Variants in NT5DC1 observed in about 807,000 individuals in gnomAD.
NT5DC1 encodes 5'-nucleotidase domain containing 1, also known as 5'-nucleotidase domain-containing protein 1.
A neutral mutation model predicts 59.4 loss-of-function variants in NT5DC1; 42 were observed. The ratio of observed to expected loss-of-function variants is 0.71; its 90% CI spans 0.55 to 0.92. The LOEUF (loss-of-function observed/expected upper bound fraction) is 0.92. Ranked by LOEUF, NT5DC1 falls within the 40% of genes least tolerant of loss-of-function variation. NT5DC1 has a pLI of 0.00. For synonymous variants in NT5DC1, 172 were observed against 188.1 expected (o/e 0.91, Z 0.70); for missense variants, 501 against 537.1 (o/e 0.93, Z 0.66).
chr6:116,201,260 T>G (rs1482205917), intron 6 of NT5DC1, among the ~76,000 whole-genome samples: 2 of 152,096 alleles, frequency 1.3e-5, no homozygotes, highest in Non-Finnish European at 2.9e-5. Context: ...TCTTGCCTTT[T>G]TGGCTGTAGC....
chr6:116,118,091 A>ACTTT, intron 6 of NT5DC1, 146 bp downstream of exon 6: 1 of 672,638 alleles, frequency 1.5e-6, no homozygotes, highest in Non-Finnish European at 2.7e-6. Context: ...GGTTCTGACT[A>ACTTT]CATTTTCAGA....
At chr6:116,190,854 C>T (rs1781101077) in intron 6 of NT5DC1, among the ~76,000 whole-genome samples, 1 of 152,060 alleles carries the variant, frequency 6.6e-6, no homozygotes, top group Admixed American at 6.6e-5. Flanking sequence ...TTCTCAGTTT[C>T]GTTGGGATGG....
chr6:116,155,390 C>T (rs1780161346), intron 6 of NT5DC1, among the ~76,000 whole-genome samples: 1 of 152,074 alleles, frequency 6.6e-6, no homozygotes, highest in Non-Finnish European at 1.5e-5. Context: ...CACTCGCCAA[C>T]ACAAACATCT....
chr6:116,122,766 G>A (rs760945858), intron 6 of NT5DC1, among the ~76,000 whole-genome samples: 3 of 152,048 alleles, frequency 2.0e-5, no homozygotes, highest in African/African-American at 2.4e-5. Flanking sequence ...AATGCAGAGC[G>A]AATCATTAAA....
chr6:116,234,715 T>C (rs926829), intron 8 of NT5DC1, among the ~76,000 whole-genome samples: 64,698 of 152,120 alleles, frequency 0.43, 17,725 homozygotes, highest in African/African-American at 0.78. Context: ...AAGTACAGTG[T>C]ACTATCTAAA....
intron 6 of NT5DC1, among the ~76,000 whole-genome samples, chr6:116,169,034 G>A (rs2114446932): frequency 6.6e-6 from 1 of 152,254 alleles, no homozygotes; most frequent in African/African-American, 2.4e-5. Context: ...ACCTTGGCAG[G>A]CACTGGCCTC....
chr6:116,123,016 T>C (rs1405524504), intron 6 of NT5DC1, among the ~76,000 whole-genome samples: 1 of 152,200 alleles, frequency 6.6e-6, no homozygotes, highest in Non-Finnish European at 1.5e-5. Context: ...TAAGTGGATA[T>C]TGATATATTG....
intron 6 of NT5DC1, among the ~76,000 whole-genome samples, chr6:116,162,935 A>G (rs866190850): frequency 7.3e-5 from 11 of 151,638 alleles, no homozygotes; most frequent in East Asian, 5.8e-4. Flanking sequence ...AGACCATCCT[A>G]GCTAACATGG....
chr6:116,227,488 G>A (rs1356895470), intron 8 of NT5DC1, among the ~76,000 whole-genome samples: 1 of 152,012 alleles, frequency 6.6e-6, no homozygotes, highest in African/African-American at 2.4e-5. Flanking sequence ...CTCAGTATTG[G>A]AGTTGCTGGA....
intron 8 of NT5DC1, among the ~76,000 whole-genome samples, chr6:116,224,262 A>T (rs1781866026): frequency 6.6e-6 from 1 of 152,232 alleles, no homozygotes; most frequent in Non-Finnish European, 1.5e-5. Flanking sequence ...GCTATTCAAA[A>T]GCCTGATTCA....
chr6:116,111,190 A>G (rs1258053261), intron 4 of NT5DC1, among the ~76,000 whole-genome samples: 2 of 152,224 alleles, frequency 1.3e-5, no homozygotes, highest in East Asian at 1.9e-4. Flanking sequence ...TTTTACCTGT[A>G]CTTGTTCTGG....
chr6:116,212,664 A>G (rs545653952), intron 6 of NT5DC1, among the ~76,000 whole-genome samples: 7 of 152,242 alleles, frequency 4.6e-5, no homozygotes, highest in Admixed American at 3.9e-4. Flanking sequence ...GAAAAATCCA[A>G]AGTTTTTGAG....
rs181629773 is a variant in NT5DC1, at chr6:116,144,280, A to T, written c.529+26335A>T. Among the ~76,000 whole-genome samples the T allele has an allele frequency of 2.6e-3, 396 of 152,254 alleles. 10 individuals carry two copies. The South Asian group carries it at 0.043, about 17-fold the overall frequency. The stretch of plus-strand genomic sequence containing the variant: ...CACTTTGGGAGGCCGAGGCGGGCGG[A>T]TCATGAAGTCAGGAGATCAAGACCA... On this transcript the variant is annotated intron_variant, in intron 6 of 11. Transcript: ENST00000319550.
At chr6:116,159,676 G>A (rs995030804) in intron 6 of NT5DC1, among the ~76,000 whole-genome samples, 20 of 152,120 alleles carry the variant, frequency 1.3e-4, no homozygotes, top group Admixed American at 9.8e-4. Context: ...GTTTGTTAAC[G>A]TGGGTATATT....
intron 4 of NT5DC1, among the ~76,000 whole-genome samples, chr6:116,111,451 C>T (rs1449619877): frequency 2.6e-5 from 4 of 152,102 alleles, no homozygotes; most frequent in African/African-American, 9.7e-5. Flanking sequence ...AAGAGTTTCA[C>T]CATGGGTAAA....
chr6:116,186,644 T>G (rs1781006377), intron 6 of NT5DC1, among the ~76,000 whole-genome samples: 1 of 152,080 alleles, frequency 6.6e-6, no homozygotes, highest in African/African-American at 2.4e-5. Flanking sequence ...GCTCTGACTT[T>G]TTCTTCTACT....
intron 1 of NT5DC1, among the ~76,000 whole-genome samples, chr6:116,103,392 A>G (rs1008136910): frequency 6.6e-6 from 1 of 152,050 alleles, no homozygotes; most frequent in Non-Finnish European, 1.5e-5. Context: ...ACAGAAGGAA[A>G]GTGTATCCAG....
chr6:116,247,634 T>G lies in NT5DC1; in HGVS notation c.*3610T>G, dbSNP rs1335602408. The G allele has an allele frequency of 6.6e-6, 1 of 152,232 alleles. No homozygotes were observed. Among genetic ancestry groups the G allele is most frequent in the African/African-American group, 2.4e-5 (1 of 41,466 alleles). The allele number at this position is 152,232 out of a possible 1,614,324, so 9.4% of individuals were successfully genotyped here. ...CAATCAGTTTGTTGTACCATGTACC[T>G]GTTCACAGACTCTTTTCAAAAAACA... On this transcript the variant is annotated 3_prime_UTR_variant, in exon 12 of 12. Transcript: ENST00000319550.
At chr6:116,177,919 T>A (rs1242727427) in intron 6 of NT5DC1, among the ~76,000 whole-genome samples, 2 of 152,164 alleles carry the variant, frequency 1.3e-5, no homozygotes, top group Non-Finnish European at 2.9e-5. Flanking sequence ...TAGAATACAT[T>A]TAACTCCTTA....
Sources: allele counts gnomAD v4.1 joint callset (sites outside exome capture counted in the v4.1 genomes callset), GRCh38; gene constraint gnomAD v4.1.1; transcripts MANE v1.5; gene names NCBI Gene and HGNC (gene_info 2026-07-23, HGNC 2026-07-21).